KDM5A: variants seen among roughly 807,000 people sequenced by gnomAD.
KDM5A encodes the protein lysine demethylase 5A.
In KDM5A, 42 loss-of-function variants were observed where a neutral mutation model predicts 193.5. The observed-to-expected ratio is 0.22, with a 90% CI of 0.17 to 0.28. The LOEUF is 0.28. Among genes scored for constraint, KDM5A ranks in the 10% least tolerant of loss-of-function variants. KDM5A has a pLI of 1.00. For synonymous variants in KDM5A, 796 were observed against 718.1 expected (o/e 1.11, Z -1.73); for missense variants, 1,692 against 2,055.1 (o/e 0.82, Z 3.42).
chr12:317,243 G>A (rs956693395), intron 19 of KDM5A, among the ~76,000 whole-genome samples: 1 of 152,070 alleles, frequency 6.6e-6, no homozygotes, highest in Non-Finnish European at 1.5e-5. Flanking sequence ...TCTGTCACCT[G>A]AACACGCCCT....
At chr12:309,590 G>C (rs553587919) in intron 22 of KDM5A, among the ~76,000 whole-genome samples, 1 of 152,164 alleles carries the variant, frequency 6.6e-6, no homozygotes, top group East Asian at 1.9e-4. Context: ...AAGAACAGAG[G>C]TATGGAAAAG....
rs976080419 is a variant in KDM5A, at chr12:283,915, G to C, written c.*1541C>G. 7 of 233,132 alleles carry C rather than the reference G, an allele frequency of 3.0e-5. No individual in the cohort carries two copies. The highest frequency in any genetic ancestry group is 1.5e-4 in the African/African-American group (7 of 45,220). The allele number at this position is 233,132 out of a possible 1,614,324, so 14.4% of individuals were successfully genotyped here. On this transcript the variant is annotated 3_prime_UTR_variant, in exon 28 of 28. Coordinates refer to ENST00000399788, the MANE Select transcript of KDM5A (RefSeq NM_001042603.3). ...GAACAGAGAACACAACAGGAGGGAA[G>C]AGGACACAGCACCATAGTTTCAAAC... is the stretch of plus-strand genomic sequence containing the variant.
At chr12:336,941 G>A (rs1943941804) in intron 10 of KDM5A, among the ~76,000 whole-genome samples, 1 of 152,158 alleles carries the variant, frequency 6.6e-6, no homozygotes, top group Admixed American at 6.6e-5. Flanking sequence ...TGATCATCAT[G>A]GGTTTGGATT....
chr12:322,999 AG>A, intron 16 of KDM5A, 82 bp downstream of exon 16: 9 of 1,582,160 alleles, frequency 5.7e-6, no homozygotes, highest in Admixed American at 1.7e-5. Flanking sequence ...CTTTTACGGA[AG>A]GAAAAAACAT....
chr12:303,731 AG>A lies in KDM5A; in HGVS notation c.4074+3214del, dbSNP rs1943472799. ...TAACTCCTATACCAACAAGTTAAGG[AG>A]GGGAAGATAAATTTAGATGTGACAG... On this transcript the variant is annotated intron_variant, in intron 24 of 27. Transcript: ENST00000399788. 2.0e-5 allele frequency among the ~76,000 whole-genome samples: 3 copies of A among 149,736 alleles called. No individual in the cohort carries two copies. In the South Asian group the frequency reaches 6.2e-4, roughly 31 times the overall value.
chr12:372,487 T>C lies in KDM5A; in HGVS notation c.367-6383A>G, dbSNP rs112378033. On this transcript the variant is annotated intron_variant, in intron 3 of 27. Coordinates refer to ENST00000399788, the MANE Select transcript of KDM5A (RefSeq NM_001042603.3). ...AGTTGCTTTTCAGCTTTAGGAGATT[T>C]TGGGCTGAGATGATGGGGTTTTCTA... Among the ~76,000 whole-genome samples, 1,384 of 152,298 alleles carry C rather than the reference T, an allele frequency of 9.1e-3. 26 individuals are homozygous for C. The highest frequency in any genetic ancestry group is 0.032 in the African/African-American group (1,324 of 41,558).
intron 11 of KDM5A, 134 bp downstream of exon 11, chr12:334,107 A>C (rs1943896064): frequency 3.7e-6 from 3 of 809,314 alleles, no homozygotes; most frequent in Non-Finnish European, 5.9e-6. Flanking sequence ...ACCCAAAGAA[A>C]TAGGCCAAGG....
chr12:291,677 T>C (rs1009264115), intron 27 of KDM5A, among the ~76,000 whole-genome samples: 3 of 152,202 alleles, frequency 2.0e-5, no homozygotes, highest in African/African-American at 7.2e-5. Flanking sequence ...ATTAGAATTC[T>C]AAATATCAAA....
At chr12:323,004 A>G in intron 16 of KDM5A, 78 bp downstream of exon 16, 1 of 1,594,988 alleles carries the variant, frequency 6.3e-7, no homozygotes, top group South Asian at 1.1e-5. Flanking sequence ...ACGGAAGGAA[A>G]AAACATAAAA....
intron 26 of KDM5A, among the ~76,000 whole-genome samples, 182 bp downstream of exon 26, chr12:295,391 G>C (rs1565524365): frequency 6.6e-6 from 1 of 151,728 alleles, no homozygotes; most frequent in Non-Finnish European, 1.5e-5. Context: ...AGGAAGGAGG[G>C]AGGGAGGCAG....
chr12:387,868 G>A (rs771089981), intron 1 of KDM5A, among the ~76,000 whole-genome samples: 4 of 152,166 alleles, frequency 2.6e-5, no homozygotes, highest in African/African-American at 4.8e-5. Context: ...GGTGACGGCA[G>A]ATGCTTTTTA....
chr12:388,922 G>GGT lies in KDM5A; in HGVS notation c.165+3_165+4dup, dbSNP rs1345956491. ...CTCCCCCTCTCTCTTCACAGACTGA[G>GGT]GTACCTTGGGCGGCCGAATTTTGCA... On this transcript the variant is annotated splice_donor_region_variant and intron_variant, in intron 1 of 27. Coordinates refer to ENST00000399788, the MANE Select transcript of KDM5A (RefSeq NM_001042603.3). The GGT allele has an allele frequency of 1.3e-5, 21 of 1,614,074 alleles. No homozygotes were observed. Among genetic ancestry groups the GGT allele is most frequent in the Non-Finnish European group, 1.6e-5 (19 of 1,180,034 alleles).
At chr12:378,816 G>A (rs552994406) in intron 3 of KDM5A, among the ~76,000 whole-genome samples, 7 of 152,134 alleles carry the variant, frequency 4.6e-5, no homozygotes, top group African/African-American at 9.6e-5. Flanking sequence ...AAAATTAGCC[G>A]GGCGTGGTGG....
In KDM5A at chr12:304,446, C is replaced by T. The variant is rs1032519404; in HGVS notation, c.4074+2500G>A. On this transcript the variant is annotated intron_variant, in intron 24 of 27. Coordinates refer to ENST00000399788, the MANE Select transcript of KDM5A (RefSeq NM_001042603.3). Reference sequence around the variant, plus strand: ...GTGGGAAAATGCTCAAGAGTATAGGCTTTTTTTTTTTTTTTTTTTTCATTC... The same window carrying T: ...GTGGGAAAATGCTCAAGAGTATAGGTTTTTTTTTTTTTTTTTTTTTCATTC... Among the ~76,000 whole-genome samples the T allele has an allele frequency of 9.0e-4, 101 of 112,512 alleles. 1 individual carries two copies. The East Asian group carries it at 0.016, about 18-fold the overall frequency. The allele number at this position is 112,512 out of a possible 152,430, so 73.8% of individuals were successfully genotyped here.
chr12:344,677 G>A (rs1944048216), intron 10 of KDM5A, among the ~76,000 whole-genome samples: 1 of 152,184 alleles, frequency 6.6e-6, no homozygotes, highest in African/African-American at 2.4e-5. Context: ...AGCCTCATAA[G>A]TGAAGGAGAA....
At chr12:337,359 T>C (rs2137429867) in intron 10 of KDM5A, among the ~76,000 whole-genome samples, 1 of 152,242 alleles carries the variant, frequency 6.6e-6, no homozygotes, top group Non-Finnish European at 1.5e-5. Flanking sequence ...AAGGAAGAAA[T>C]TGTGTTGAGC....
At chr12:349,021 CTTTTT>C (rs200223430) in intron 10 of KDM5A, among the ~76,000 whole-genome samples, 1 of 135,942 alleles carries the variant, frequency 7.4e-6, no homozygotes, top group African/African-American at 2.7e-5. Context: ...AGCTTCTAGA[CTTTTT>C]TTTTTTTTTT....
intron 27 of KDM5A, among the ~76,000 whole-genome samples, chr12:289,714 CAAAA>C (rs774919490): frequency 2.5e-5 from 2 of 79,096 alleles, no homozygotes; most frequent in Admixed American, 1.5e-4. Flanking sequence ...GACCCTGTCT[CAAAA>C]AAAAAAAAAA....
intron 22 of KDM5A, among the ~76,000 whole-genome samples, chr12:309,047 T>A (rs1182526564): frequency 2.0e-5 from 3 of 152,212 alleles, no homozygotes; most frequent in Non-Finnish European, 4.4e-5. Flanking sequence ...ATTACATTCC[T>A]AAGAGTCAAG....
Sources: allele counts gnomAD v4.1 joint callset (sites outside exome capture counted in the v4.1 genomes callset), GRCh38; gene constraint gnomAD v4.1.1; transcripts MANE v1.5; gene names NCBI Gene and HGNC (gene_info 2026-07-23, HGNC 2026-07-21).